The following MIS18A variants were observed in gnomAD, a reference collection of about 807,000 sequenced individuals.
MIS18A encodes the protein MIS18 kinetochore protein A, also known as protein Mis18-alpha.
Under a neutral mutation model 25.0 loss-of-function variants are expected in MIS18A, and 14 were observed. That is an observed-to-expected ratio of 0.56 (90% CI 0.37 to 0.88). The LOEUF is 0.88. Among genes scored for constraint, MIS18A ranks in the 40% least tolerant of loss-of-function variants. The pLI, the probability that MIS18A is intolerant of heterozygous loss-of-function variation, is 0.00. For synonymous variants in MIS18A, 134 were observed against 118.6 expected, an observed-to-expected ratio of 1.13 and a Z score of -0.84; for missense variants, 292 against 290.8, an observed-to-expected ratio of 1.00 and a Z score of -0.03.
chr21:32,195,935 G>A, the MIS18A span, among the ~76,000 whole-genome samples: 77 of 152,136 alleles, frequency 5.1e-4, no homozygotes, highest in African/African-American at 1.8e-3. Flanking sequence ...TGGGAGGATC[G>A]CTTGAACCTG....
the MIS18A span, among the ~76,000 whole-genome samples, chr21:32,257,452 G>A: frequency 1.8e-3 from 272 of 152,266 alleles, 1 homozygote; most frequent in East Asian, 0.041. Context: ...CAGCAAATGT[G>A]GGCGGCTCTT....
At chr21:32,163,118 G>A in the MIS18A span, among the ~76,000 whole-genome samples, 1 of 152,186 alleles carries the variant, frequency 6.6e-6, no homozygotes, top group Non-Finnish European at 1.5e-5. Context: ...TCAGATGCTG[G>A]TTTAATCCCC....
chr21:32,214,397 T>A, the MIS18A span, among the ~76,000 whole-genome samples: 3 of 152,200 alleles, frequency 2.0e-5, no homozygotes, highest in African/African-American at 7.2e-5. Context: ...AGAGCTGGGA[T>A]GCAGACGGGT....
the MIS18A span, among the ~76,000 whole-genome samples, chr21:32,206,864 C>T: frequency 6.6e-6 from 1 of 152,174 alleles, no homozygotes; most frequent in Admixed American, 6.5e-5. Context: ...CTCTAGTGCC[C>T]AGCACCCACA....
At chr21:32,215,430 C>A in the MIS18A span, among the ~76,000 whole-genome samples, 1 of 152,260 alleles carries the variant, frequency 6.6e-6, no homozygotes, top group South Asian at 2.1e-4. Flanking sequence ...TGTGGCTTCC[C>A]AGCAAGGCTG....
the MIS18A span, among the ~76,000 whole-genome samples, chr21:32,226,952 A>T: frequency 6.6e-6 from 1 of 152,170 alleles, no homozygotes; most frequent in Non-Finnish European, 1.5e-5. Context: ...CAATTCACAA[A>T]TAGGAAAACA....
chr21:32,278,529 T>G (rs1206411754), intron 1 of MIS18A, 152 bp downstream of exon 1: 4 of 856,952 alleles, frequency 4.7e-6, no homozygotes, highest in Non-Finnish European at 6.9e-6. Context: ...CCTCCTCCCC[T>G]TTTCCTGCCA....
chr21:32,156,697 G>T, the MIS18A span, among the ~76,000 whole-genome samples: 1 of 152,084 alleles, frequency 6.6e-6, no homozygotes, highest in South Asian at 2.1e-4. Flanking sequence ...TACCTTTTCT[G>T]GAGAAAAGGA....
At chr21:32,264,830 C>T (rs975270466), downstream of MIS18A, among the ~76,000 whole-genome samples, 1 of 152,190 alleles carries the variant, frequency 6.6e-6, no homozygotes, top group Non-Finnish European at 1.5e-5. Flanking sequence ...AGGACACATG[C>T]CATTCAGGCA....
chr21:32,223,864 A>G, the MIS18A span, among the ~76,000 whole-genome samples: 1 of 152,264 alleles, frequency 6.6e-6, no homozygotes, highest in Non-Finnish European at 1.5e-5. Flanking sequence ...ATGAACATCA[A>G]TGCAAAAATC....
chr21:32,218,192 C>CAAAAA, the MIS18A span, among the ~76,000 whole-genome samples: 25 of 56,332 alleles, frequency 4.4e-4, no homozygotes, highest in Non-Finnish European at 5.3e-4. Flanking sequence ...GACTCCATCT[C>CAAAAA]AAAAAAAAAA....
chr21:32,234,153 T>C, the MIS18A span, among the ~76,000 whole-genome samples: 1 of 152,226 alleles, frequency 6.6e-6, no homozygotes, highest in Admixed American at 6.5e-5. Context: ...GGGGAAATAG[T>C]ACAGGGACTC....
chr21:32,237,000 T>C, the MIS18A span, among the ~76,000 whole-genome samples: 1 of 152,122 alleles, frequency 6.6e-6, no homozygotes, highest in Non-Finnish European at 1.5e-5. Flanking sequence ...ATTGCCTCCA[T>C]TGGATTGTAT....
the MIS18A span, among the ~76,000 whole-genome samples, chr21:32,201,937 T>C: frequency 6.6e-6 from 1 of 152,310 alleles, no homozygotes; most frequent in East Asian, 1.9e-4. Flanking sequence ...TATTAGCTGA[T>C]ATTCAAGGAA....
the MIS18A span, among the ~76,000 whole-genome samples, chr21:32,171,701 C>T: frequency 6.6e-6 from 1 of 152,024 alleles, no homozygotes; most frequent in Admixed American, 6.5e-5. Context: ...AGAAAAGCTA[C>T]AGTAAATATA....
the MIS18A span, among the ~76,000 whole-genome samples, chr21:32,202,751 A>C: frequency 6.6e-6 from 1 of 152,252 alleles, no homozygotes. Flanking sequence ...TGACACACTT[A>C]TATCACTTAG....
At chr21:32,234,836 CCT>C in the MIS18A span, among the ~76,000 whole-genome samples, 1 of 152,200 alleles carries the variant, frequency 6.6e-6, no homozygotes, top group Non-Finnish European at 1.5e-5. Context: ...CAAGATAAAA[CCT>C]CTTTTCTTTA....
In MIS18A at chr21:32,275,485, G is replaced by T. The variant is rs544661238; in HGVS notation, c.335-589C>A. On this transcript the variant is annotated intron_variant, in intron 1 of 4. Coordinates refer to ENST00000290130, the MANE Select transcript of MIS18A (RefSeq NM_018944.3). ...CATTTCTCTAAAAGTAACTGAGAGGGTCCTCAGGATCCCAGCCACACATCT... is the reference window on the plus strand; with the variant it reads ...CATTTCTCTAAAAGTAACTGAGAGGTTCCTCAGGATCCCAGCCACACATCT... Among the ~76,000 whole-genome samples the T allele has an allele frequency of 9.9e-5, 15 of 152,178 alleles. No individual in the cohort carries two copies. The South Asian group carries it at 1.0e-3, about 11-fold the overall frequency.
chr21:32,236,391 C>CA, the MIS18A span, among the ~76,000 whole-genome samples: 193 of 151,446 alleles, frequency 1.3e-3, no homozygotes, highest in African/African-American at 3.4e-3. Context: ...TCAACAACAA[C>CA]AAAAAAAAGA....
Sources: allele counts gnomAD v4.1 joint callset (sites outside exome capture counted in the v4.1 genomes callset), GRCh38; gene constraint gnomAD v4.1.1; transcripts MANE v1.5; gene names NCBI Gene and HGNC (gene_info 2026-07-23, HGNC 2026-07-21).